Variants in TMEM132C observed in about 807,000 individuals in gnomAD.
The protein encoded by TMEM132C is transmembrane protein 132C.
TMEM132C carries 29 observed loss-of-function variants against 61.4 expected under a neutral mutation model. The ratio of observed to expected loss-of-function variants is 0.47; its 90% CI spans 0.35 to 0.64. TMEM132C has a LOEUF of 0.64. Among genes scored for constraint, TMEM132C ranks in the 30% least tolerant of loss-of-function variants. TMEM132C has a pLI of 0.00. For missense variants in TMEM132C, 1,408 were observed against 1,476.9 expected (o/e 0.95, Z 0.76); for synonymous variants, 656 against 633.1 (o/e 1.04, Z -0.54).
chr12:128,428,911 A>G (rs955058517), intron 2 of TMEM132C, among the ~76,000 whole-genome samples: 3 of 152,242 alleles, frequency 2.0e-5, no homozygotes, highest in Non-Finnish European at 4.4e-5. Context: ...GCACATATTA[A>G]GCACTTAATA....
At chr12:128,704,976 C>T (rs553940295) in intron 8 of TMEM132C, 114 bp from the exon 9 acceptor site, 84 of 1,177,450 alleles carry the variant, frequency 7.1e-5, no homozygotes, top group Non-Finnish European at 9.6e-5. Flanking sequence ...GCATGAGCTA[C>T]TGGGTCTGGA....
At chr12:128,487,775 A>C (rs1871556470) in intron 2 of TMEM132C, among the ~76,000 whole-genome samples, 1 of 152,122 alleles carries the variant, frequency 6.6e-6, no homozygotes, top group African/African-American at 2.4e-5. Context: ...CTTCATAGTC[A>C]AGGAACACCC....
At chr12:128,469,806 G>GTA (rs919119898) in intron 2 of TMEM132C, among the ~76,000 whole-genome samples, 10 of 150,274 alleles carry the variant, frequency 6.7e-5, no homozygotes, top group Admixed American at 1.3e-4. Context: ...ATTTATGTGT[G>GTA]TATATATATA....
intron 4 of TMEM132C, among the ~76,000 whole-genome samples, chr12:128,650,870 T>G (rs1211739217): frequency 6.6e-6 from 1 of 152,100 alleles, no homozygotes; most frequent in South Asian, 2.1e-4. Flanking sequence ...GCAAATGAGG[T>G]AAGGCTCAAA....
intron 3 of TMEM132C, among the ~76,000 whole-genome samples, chr12:128,612,400 AT>A (rs922218126): frequency 1.3e-5 from 2 of 151,642 alleles, no homozygotes; most frequent in Non-Finnish European, 2.9e-5. Flanking sequence ...TGAAACTTGT[AT>A]TTTTTTTTCC....
chr12:128,384,603 A>T (rs969843043), intron 1 of TMEM132C, among the ~76,000 whole-genome samples: 1 of 152,022 alleles, frequency 6.6e-6, no homozygotes, highest in African/African-American at 2.4e-5. Flanking sequence ...CTCCATTCCT[A>T]GGCTCCACTA....
At chr12:128,661,188 A>G (rs1954386086) in intron 4 of TMEM132C, among the ~76,000 whole-genome samples, 1 of 152,196 alleles carries the variant, frequency 6.6e-6, no homozygotes, top group East Asian at 1.9e-4. Context: ...CACAGGCAAG[A>G]TTTCTTCCTG....
chr12:128,535,344 C>T (rs571382570), intron 2 of TMEM132C, among the ~76,000 whole-genome samples: 2 of 151,928 alleles, frequency 1.3e-5, no homozygotes, highest in East Asian at 3.9e-4. Context: ...ATCCATCTGA[C>T]AAAGGGCTAA....
intron 1 of TMEM132C, among the ~76,000 whole-genome samples, chr12:128,331,094 C>T (rs561681988): frequency 1.8e-4 from 27 of 152,110 alleles, no homozygotes; most frequent in Middle Eastern, 3.4e-3. Flanking sequence ...CCCTCTTTCC[C>T]CCTGCCCCCC....
At chr12:128,623,845 T>C (rs1380591917) in intron 4 of TMEM132C, among the ~76,000 whole-genome samples, 1 of 151,784 alleles carries the variant, frequency 6.6e-6, no homozygotes, top group Non-Finnish European at 1.5e-5. Context: ...TGAGAGATGA[T>C]TGAAAAATGA....
At chr12:128,330,106 A>C (rs1457751338) in intron 1 of TMEM132C, among the ~76,000 whole-genome samples, 1 of 152,218 alleles carries the variant, frequency 6.6e-6, no homozygotes, top group African/African-American at 2.4e-5. Context: ...AGTGAGTAGA[A>C]GATAGCATCA....
Position 128,517,038 on chromosome 12 carries a change from A to G in TMEM132C, c.975-26919A>G, listed in dbSNP as rs984722261. Among the ~76,000 whole-genome samples, 142 of 150,048 alleles carry G rather than the reference A, an allele frequency of 9.5e-4. 1 individual carries two copies. Among genetic ancestry groups the G allele is most frequent in the African/African-American group, 3.3e-3 (135 of 40,622 alleles). ...GGAATTTGAAACCAGCCTGGCCAAC[A>G]CAGTGACACCTGTCTCTGCTAAAAA... On this transcript the variant is annotated intron_variant, in intron 2 of 8. Coordinates refer to ENST00000435159, the MANE Select transcript of TMEM132C (RefSeq NM_001136103.3).
At chr12:128,471,321 G>A (rs1269543715) in intron 2 of TMEM132C, among the ~76,000 whole-genome samples, 1 of 152,148 alleles carries the variant, frequency 6.6e-6, no homozygotes, top group African/African-American at 2.4e-5. Flanking sequence ...GTATTTGTGT[G>A]TTTGGTCTCT....
chr12:128,642,345 T>C (rs1954164151), intron 4 of TMEM132C, among the ~76,000 whole-genome samples: 1 of 152,146 alleles, frequency 6.6e-6, no homozygotes, highest in African/African-American at 2.4e-5. Context: ...TTGCCCAGGC[T>C]GGTCTCGAAC....
At chr12:128,302,992 A>C (rs907089946) in intron 1 of TMEM132C, among the ~76,000 whole-genome samples, 1 of 152,156 alleles carries the variant, frequency 6.6e-6, no homozygotes, top group African/African-American at 2.4e-5. Flanking sequence ...CCCCCACCTG[A>C]CCTCCAGATG....
In TMEM132C at chr12:128,267,275, C is replaced by A; in HGVS notation, c.-128C>A. On this transcript the variant is annotated 5_prime_UTR_variant, in exon 1 of 9. Transcript: ENST00000435159. ...CCCGGCAGGGGCGGGCCTCGGACAG[C>A]AGAGACGCAGCGGGCCCGGCCGACC... 2 of 456,668 alleles carry A rather than the reference C, an allele frequency of 4.4e-6. No homozygotes were observed. Among genetic ancestry groups the A allele is most frequent in the Non-Finnish European group, 5.7e-6 (2 of 348,240 alleles). 28.3% of individuals were successfully genotyped at this position (456,668 alleles called of 1,614,324 possible). A position where few individuals can be genotyped will look rare whatever the true frequency, so the allele number is the denominator to read the frequency against.
intron 2 of TMEM132C, among the ~76,000 whole-genome samples, chr12:128,491,100 T>C (rs1299570201): frequency 1.3e-5 from 2 of 152,136 alleles, no homozygotes; most frequent in Non-Finnish European, 2.9e-5. Flanking sequence ...TCCTTGACCA[T>C]AGTGTAGCCC....
chr12:128,514,849 C>A (rs1872671489), intron 2 of TMEM132C, among the ~76,000 whole-genome samples: 1 of 152,202 alleles, frequency 6.6e-6, no homozygotes, highest in Non-Finnish European at 1.5e-5. Context: ...ACATTCCCAG[C>A]TCTACATTCT....
chr12:128,319,503 A>T (rs1872258447), intron 1 of TMEM132C, among the ~76,000 whole-genome samples: 1 of 151,964 alleles, frequency 6.6e-6, no homozygotes, highest in Admixed American at 6.6e-5. Flanking sequence ...AAGCAATTGG[A>T]GTGCTGTCAC....
Sources: gnomAD v4.1 joint callset for allele counts (sites outside exome capture counted in the v4.1 genomes callset) on GRCh38, gnomAD v4.1.1 for gene constraint, MANE v1.5 for transcripts, NCBI Gene and HGNC (gene_info 2026-07-23, HGNC 2026-07-21) for gene names.